The following THSD4 variants were observed in gnomAD, a reference collection of about 807,000 sequenced individuals.
THSD4 encodes thrombospondin type-1 domain-containing protein 4.
Under a neutral mutation model 119.0 loss-of-function variants are expected in THSD4, and 69 were observed. The ratio of observed to expected loss-of-function variants is 0.58; its 90% CI spans 0.48 to 0.71. The LOEUF (loss-of-function observed/expected upper bound fraction) is 0.71. Ranked by LOEUF, THSD4 falls within the 30% of genes least tolerant of loss-of-function variation. The probability of loss-of-function intolerance (pLI) is 0.00; values close to 1 mark genes in which losing one functional copy is unlikely to be tolerated. For synonymous variants in THSD4, 524 were observed against 540.4 expected (o/e 0.97, Z 0.42); for missense variants, 1,393 against 1,391.1 (o/e 1.00, Z -0.02).
chr15:71,756,840 G>A (rs779334974), intron 14 of THSD4, among the ~76,000 whole-genome samples: 11 of 152,290 alleles, frequency 7.2e-5, no homozygotes, highest in East Asian at 3.9e-4. Flanking sequence ...ACATTCCAAC[G>A]TATGGCAAGA....
chr15:71,677,556 G>C (rs2051678434), intron 8 of THSD4, among the ~76,000 whole-genome samples: 1 of 152,196 alleles, frequency 6.6e-6, no homozygotes, highest in African/African-American at 2.4e-5. Context: ...GGACAGCTCT[G>C]ATGTCCTTGC....
chr15:71,729,359 T>C (rs2052928260), intron 9 of THSD4: 2 of 152,400 alleles, frequency 1.3e-5, no homozygotes, highest in South Asian at 4.1e-4. Flanking sequence ...TCAATCTTCT[T>C]AAAAGACCAG....
chr15:71,605,872 C>T (rs553238778), intron 7 of THSD4, among the ~76,000 whole-genome samples: 60 of 152,154 alleles, frequency 3.9e-4, no homozygotes, highest in African/African-American at 1.3e-3. Flanking sequence ...TGGGATGCTC[C>T]GATGCTTGAA....
intron 7 of THSD4, among the ~76,000 whole-genome samples, chr15:71,543,738 C>T (rs1483189222): frequency 1.3e-5 from 2 of 152,144 alleles, no homozygotes; most frequent in African/African-American, 2.4e-5. Flanking sequence ...TAGAGAATCA[C>T]AGATGTGGGC....
chr15:71,737,655 T>C (rs1477260628), intron 10 of THSD4, 77 bp from the exon 11 acceptor site: 1 of 1,490,578 alleles, frequency 6.7e-7, no homozygotes, highest in African/African-American at 1.4e-5. Context: ...CAGTCTCTAA[T>C]GTCGAAGCAA....
intron 6 of THSD4, among the ~76,000 whole-genome samples, chr15:71,403,568 A>T (rs947336289): frequency 6.6e-6 from 1 of 152,198 alleles, no homozygotes; most frequent in Admixed American, 6.5e-5. Flanking sequence ...GTACTCTTAC[A>T]AGTCTTTGGA....
intron 8 of THSD4, among the ~76,000 whole-genome samples, chr15:71,712,198 CAGAA>C (rs145692565): frequency 0.036 from 5,429 of 152,152 alleles, 297 homozygotes; most frequent in African/African-American, 0.12. Flanking sequence ...AAATCAGTAA[CAGAA>C]AGAGATCTAG....
At chr15:71,729,373 A>T (rs981228105) in intron 9 of THSD4, 13 of 152,446 alleles carry the variant, frequency 8.5e-5, no homozygotes, top group Admixed American at 5.9e-4. Flanking sequence ...AGACCAGGAA[A>T]TAAAGGGTGA....
intron 8 of THSD4, among the ~76,000 whole-genome samples, chr15:71,682,249 C>T (rs988518908): frequency 2.0e-5 from 3 of 152,256 alleles, no homozygotes; most frequent in Non-Finnish European, 2.9e-5. Flanking sequence ...CATTGGCTGG[C>T]TTAGCACTTA....
intron 2 of THSD4, among the ~76,000 whole-genome samples, chr15:71,144,148 A>G (rs993563333): frequency 4.6e-5 from 7 of 152,140 alleles, no homozygotes; most frequent in Admixed American, 3.3e-4. Flanking sequence ...TCTGCTGTCA[A>G]TACTAGAGGA....
At chr15:71,332,146 T>A (rs989038393) in intron 6 of THSD4, among the ~76,000 whole-genome samples, 27 of 152,178 alleles carry the variant, frequency 1.8e-4, no homozygotes, top group African/African-American at 6.3e-4. Flanking sequence ...AGGAATAGGT[T>A]TGTCTCAGTA....
intron 7 of THSD4, among the ~76,000 whole-genome samples, chr15:71,601,808 G>A (rs372124136): frequency 6.6e-6 from 1 of 152,168 alleles, no homozygotes; most frequent in Non-Finnish European, 1.5e-5. Context: ...TCTTTACTGT[G>A]TCAAAGCAGC....
chr15:71,704,610 A>G (rs2052359423), intron 8 of THSD4, among the ~76,000 whole-genome samples: 1 of 152,238 alleles, frequency 6.6e-6, no homozygotes, highest in African/African-American at 2.4e-5. Context: ...TATTAGCAGC[A>G]TGAGAACAGA....
chr15:71,573,838 A>G (rs1222770919), intron 7 of THSD4, among the ~76,000 whole-genome samples: 1 of 152,162 alleles, frequency 6.6e-6, no homozygotes, highest in Non-Finnish European at 1.5e-5. Context: ...CTTAATACTA[A>G]TTGTGTCGCT....
chr15:71,339,339 C>T (rs145695437), intron 6 of THSD4, among the ~76,000 whole-genome samples: 23 of 152,134 alleles, frequency 1.5e-4, no homozygotes, highest in African/African-American at 5.5e-4. Context: ...TTCCAAACCC[C>T]CAAGTTTAAT....
At chr15:71,749,695 A>ATTTT (rs1232243841) in intron 14 of THSD4, among the ~76,000 whole-genome samples, 9 of 34,898 alleles carry the variant, frequency 2.6e-4, no homozygotes, top group East Asian at 1.3e-3. Context: ...ATATTTTTAA[A>ATTTT]TTTTTATTTA....
At chr15:71,691,041 C>T (rs1039556148) in intron 8 of THSD4, among the ~76,000 whole-genome samples, 15 of 152,164 alleles carry the variant, frequency 9.9e-5, no homozygotes, top group Admixed American at 9.8e-4. Flanking sequence ...CACAAGGGTC[C>T]TTCTAGGTAG....
At chr15:71,366,436 C>T (rs1366408598) in intron 6 of THSD4, among the ~76,000 whole-genome samples, 1 of 152,156 alleles carries the variant, frequency 6.6e-6, no homozygotes, top group Non-Finnish European at 1.5e-5. Flanking sequence ...ATTGTGATAT[C>T]TCCACTGGAT....
intron 1 of THSD4, among the ~76,000 whole-genome samples, chr15:71,130,079 A>G (rs2040489483): frequency 6.6e-6 from 1 of 152,216 alleles, no homozygotes; most frequent in African/African-American, 2.4e-5. Flanking sequence ...CTTGCCTGGC[A>G]GGGGCCCAGG....
Sources: allele counts gnomAD v4.1 joint callset (sites outside exome capture counted in the v4.1 genomes callset), GRCh38; gene constraint gnomAD v4.1.1; transcripts MANE v1.5; gene names NCBI Gene and HGNC (gene_info 2026-07-23, HGNC 2026-07-21).